Variants in SCLT1 observed in about 807,000 individuals in gnomAD.
The protein encoded by SCLT1 is sodium channel and clathrin linker 1.
A neutral mutation model predicts 112.8 loss-of-function variants in SCLT1; 78 were observed. The observed-to-expected ratio is 0.69, with a 90% CI of 0.58 to 0.83. SCLT1 has a LOEUF of 0.83. Ranked by LOEUF, SCLT1 falls within the 40% of genes least tolerant of loss-of-function variation. The pLI, the probability that SCLT1 is intolerant of heterozygous loss-of-function variation, is 0.00. For missense variants in SCLT1, 747 were observed against 770.4 expected (o/e 0.97, Z 0.36); for synonymous variants, 257 against 254.7 (o/e 1.01, Z -0.09).
At chr4:129,046,860 T>C (rs752398969) in intron 2 of SCLT1, among the ~76,000 whole-genome samples, 2 of 152,110 alleles carry the variant, frequency 1.3e-5, no homozygotes, top group Admixed American at 6.6e-5. Flanking sequence ...CCAGTGGATA[T>C]AGTAGTATTT....
intron 18 of SCLT1, among the ~76,000 whole-genome samples, chr4:128,920,109 G>A (rs1271963827): frequency 3.9e-5 from 6 of 152,060 alleles, no homozygotes; most frequent in Admixed American, 1.3e-4. Flanking sequence ...GAAAACTTCA[G>A]GCCAATATTC....
At chr4:128,945,955 A>C in intron 16 of SCLT1, 52 bp downstream of exon 16, 1 of 1,337,884 alleles carries the variant, frequency 7.5e-7, no homozygotes, top group African/African-American at 1.5e-5. Context: ...TCTGTCAAAA[A>C]TTGTGTGAAT....
At chr4:129,027,565 A>G (rs938732634) in intron 5 of SCLT1, among the ~76,000 whole-genome samples, 8 of 152,170 alleles carry the variant, frequency 5.3e-5, no homozygotes, top group Admixed American at 5.2e-4. Context: ...CCCACAGCCA[A>G]TATCATACTG....
intron 20 of SCLT1, among the ~76,000 whole-genome samples, chr4:128,888,111 A>G (rs1733024536): frequency 6.6e-6 from 1 of 152,208 alleles, no homozygotes; most frequent in South Asian, 2.1e-4. Flanking sequence ...AGTATGATGG[A>G]TGATTTCAAT....
intron 18 of SCLT1, among the ~76,000 whole-genome samples, chr4:128,905,264 C>T (rs182622019): frequency 9.9e-5 from 15 of 152,044 alleles, no homozygotes; most frequent in Non-Finnish European, 2.1e-4. Flanking sequence ...TCCTTCATGC[C>T]CTATATTTAT....
At chr4:128,890,051 T>G (rs1733192128) in intron 19 of SCLT1, among the ~76,000 whole-genome samples, 1 of 152,198 alleles carries the variant, frequency 6.6e-6, no homozygotes, top group African/African-American at 2.4e-5. Context: ...TTTACCAAGA[T>G]GTTTAAATAT....
chr4:129,025,404 T>A lies in SCLT1; in HGVS notation c.290+13637A>T, dbSNP rs997214108. ...AGTGGGGGCCAATATTCAACATTCT[T>A]AAAGAAAAGAATTTTCAACCCAGAA... On this transcript the variant is annotated intron_variant, in intron 5 of 20. Transcript: ENST00000281142. Among the ~76,000 whole-genome samples the A allele has an allele frequency of 2.7e-4, 41 of 152,016 alleles. 2 individuals are homozygous for A. Among genetic ancestry groups the A allele is most frequent in the Admixed American group, 1.9e-3 (29 of 15,270 alleles).
In SCLT1 at chr4:129,011,108, A is replaced by G. The variant is rs77579359; in HGVS notation, c.291-7232T>C. ...AGTATGTTCCTTCAATACCTAGCTTATTGAGACTTTTTGACATGAAGAATG... is the reference window on the plus strand; with the variant it reads ...AGTATGTTCCTTCAATACCTAGCTTGTTGAGACTTTTTGACATGAAGAATG... On this transcript the variant is annotated intron_variant, in intron 5 of 20. Coordinates refer to ENST00000281142, the MANE Select transcript of SCLT1 (RefSeq NM_144643.4). Among the ~76,000 whole-genome samples, 569 of 152,298 alleles carry G rather than the reference A, an allele frequency of 3.7e-3. 1 individual carries two copies. Among genetic ancestry groups the G allele is most frequent in the African/African-American group, 0.011 (472 of 41,566 alleles).
chr4:129,048,857 C>T (rs1226966145), intron 2 of SCLT1, among the ~76,000 whole-genome samples: 1 of 152,120 alleles, frequency 6.6e-6, no homozygotes, highest in Non-Finnish European at 1.5e-5. Flanking sequence ...GACATTTATG[C>T]AGCCAAAAGA....
intron 2 of SCLT1, among the ~76,000 whole-genome samples, chr4:129,048,943 C>T (rs2125707698): frequency 6.6e-6 from 1 of 152,018 alleles, no homozygotes; most frequent in Admixed American, 6.6e-5. Flanking sequence ...CCATCTCAAA[C>T]CAGTTAGAAT....
intron 2 of SCLT1, among the ~76,000 whole-genome samples, chr4:129,076,202 C>T (rs1180901725): frequency 6.6e-6 from 1 of 152,078 alleles, no homozygotes; most frequent in East Asian, 1.9e-4. Context: ...GATCCTTTGT[C>T]TATGTTATTC....
intron 5 of SCLT1, among the ~76,000 whole-genome samples, chr4:129,013,235 C>T (rs766744489): frequency 9.2e-5 from 14 of 152,108 alleles, no homozygotes; most frequent in South Asian, 2.1e-4. Context: ...AGTGAGAACA[C>T]GCGGTATTTG....
chr4:128,995,845 T>G (rs1742968150), intron 8 of SCLT1, among the ~76,000 whole-genome samples: 1 of 152,080 alleles, frequency 6.6e-6, no homozygotes, highest in Admixed American at 6.5e-5. Context: ...TGGATCAACT[T>G]TTCCCCTCCC....
chr4:129,024,544 T>C (rs1745830973), intron 5 of SCLT1, among the ~76,000 whole-genome samples: 1 of 152,058 alleles, frequency 6.6e-6, no homozygotes, highest in East Asian at 1.9e-4. Context: ...CAAAAACCCA[T>C]CTGTACATCA....
chr4:129,007,328 G>A (rs1003012693), intron 5 of SCLT1, among the ~76,000 whole-genome samples: 12 of 151,326 alleles, frequency 7.9e-5, no homozygotes, highest in African/African-American at 2.9e-4. Context: ...TTTATTTACT[G>A]AGAGCAACCT....
intron 2 of SCLT1, among the ~76,000 whole-genome samples, chr4:129,053,843 T>C (rs1375051526): frequency 4.6e-5 from 7 of 152,102 alleles, no homozygotes; most frequent in African/African-American, 1.7e-4. Context: ...AGTTTCTTCA[T>C]AGTGTCAATG....
At chr4:128,978,423 AAAG>A (rs1337754801) in intron 9 of SCLT1, among the ~76,000 whole-genome samples, 2 of 152,056 alleles carry the variant, frequency 1.3e-5, no homozygotes, top group Non-Finnish European at 2.9e-5. Flanking sequence ...GGGGGAAGCA[AAAG>A]AAGCAAAAAA....
At chr4:129,035,453 A>G (rs1234103504) in intron 5 of SCLT1, among the ~76,000 whole-genome samples, 2 of 152,068 alleles carry the variant, frequency 1.3e-5, no homozygotes, top group Non-Finnish European at 2.9e-5. Flanking sequence ...TAGGTCAATG[A>G]CTTATTACCT....
chr4:129,018,024 T>C (rs558531476), intron 5 of SCLT1, among the ~76,000 whole-genome samples: 1 of 152,376 alleles, frequency 6.6e-6, no homozygotes, highest in South Asian at 2.1e-4. Context: ...GCTGAGATCC[T>C]GAGACCAGAA....
Sources: gnomAD v4.1 joint callset for allele counts (sites outside exome capture counted in the v4.1 genomes callset) on GRCh38, gnomAD v4.1.1 for gene constraint, MANE v1.5 for transcripts, NCBI Gene and HGNC (gene_info 2026-07-23, HGNC 2026-07-21) for gene names.